The following CEMIP2 variants were observed in gnomAD, a reference collection of about 807,000 sequenced individuals.
CEMIP2 encodes cell migration inducing hyaluronidase 2, also known as cell surface hyaluronidase CEMIP2.
In CEMIP2, 79 loss-of-function variants were observed where a neutral mutation model predicts 146.9. The observed-to-expected ratio is 0.54, with a 90% CI of 0.45 to 0.65. The LOEUF (loss-of-function observed/expected upper bound fraction) is 0.65. CEMIP2 is among the 30% of genes least tolerant of loss of function. The pLI, the probability that CEMIP2 is intolerant of heterozygous loss-of-function variation, is 0.00. For missense variants in CEMIP2, 1,596 were observed against 1,696.2 expected, an observed-to-expected ratio of 0.94 and a Z score of 1.04; for synonymous variants, 601 against 606.3, an observed-to-expected ratio of 0.99 and a Z score of 0.13.
chr9:71,700,088 C>G (rs1822517273), intron 19 of CEMIP2, among the ~76,000 whole-genome samples: 1 of 152,156 alleles, frequency 6.6e-6, no homozygotes, highest in Non-Finnish European at 1.5e-5. Context: ...GAGATGGAGC[C>G]TACCATAGCC....
At chr9:71,731,369 T>C (rs1823611998) in intron 7 of CEMIP2, among the ~76,000 whole-genome samples, 1 of 152,180 alleles carries the variant, frequency 6.6e-6, no homozygotes, top group Non-Finnish European at 1.5e-5. Flanking sequence ...TTGAGCACTC[T>C]CAATATATTT....
Position 71,685,373 on chromosome 9 carries a change from A to C in CEMIP2, c.3976T>G (p.Phe1326Val). 6 of 1,533,804 alleles carry C rather than the reference A, an allele frequency of 3.9e-6. No homozygotes were observed. The highest frequency in any genetic ancestry group is 5.2e-6 in the Non-Finnish European group (6 of 1,148,462). ...YDKGSTIFLG[F>V]SGNFKPSWTK... The stretch of plus-strand genomic sequence containing the variant: ...CATGATGGTTTAAAGTTTCCACTGA[A>C]TCCCAAAAATATGGTACTCCCTAAA... The change falls in exon 24 of 24, where the codon TTC (phenylalanine) becomes GTC (valine). Residue 1326 changes from phenylalanine (F) to valine (V), a missense_variant. Phe to Val is a conservative substitution (Grantham distance 50, BLOSUM62 -1). Transcript: ENST00000377044.
intron 1 of CEMIP2, among the ~76,000 whole-genome samples, chr9:71,754,799 A>G (rs1444554805): frequency 6.6e-6 from 1 of 152,204 alleles, no homozygotes; most frequent in Admixed American, 6.5e-5. Context: ...AAGCAAAGCA[A>G]TTAGAAAATT....
chr9:71,722,522 A>T lies in CEMIP2; in HGVS notation c.2179-7T>A. The T allele has an allele frequency of 6.3e-7, 1 of 1,597,678 alleles. No homozygotes were observed. ...TGTCAATAAATAAGCCAGCCTGAAAAATATAAATAATGGACTGGAATGAAT... is the reference window on the plus strand; with the variant it reads ...TGTCAATAAATAAGCCAGCCTGAAATATATAAATAATGGACTGGAATGAAT... On this transcript the variant is annotated splice_region_variant and splice_polypyrimidine_tract_variant and intron_variant, in intron 11 of 23. Coordinates refer to ENST00000377044, the MANE Select transcript of CEMIP2 (RefSeq NM_013390.3).
In CEMIP2 at chr9:71,712,170, C is replaced by T; in HGVS notation, c.2682G>A (p.Arg894=). The T allele has an allele frequency of 6.2e-7, 1 of 1,614,154 alleles. No individual in the cohort carries two copies. The change falls in exon 16 of 24, where the codon AGG becomes AGA. Residue 894 remains arginine (R), a synonymous_variant. Transcript: ENST00000377044. ...TGAGGAAGCCAATTGCACTGCTGTA[C>T]CTATCTGGAGTTGGCACATATTTTT... The part of the protein sequence containing the change: ...TFKKYVPTPD[R]YSSAIGFLMK...
chr9:71,729,743 C>T (rs62547028), intron 10 of CEMIP2, 102 bp downstream of exon 10: 91,936 of 1,108,024 alleles, frequency 0.083, 4,731 homozygotes, highest in South Asian at 0.19. Context: ...CAATGTCATG[C>T]TTGGGTTACA....
At chr9:71,749,632 G>A (rs1368256671) in intron 2 of CEMIP2, among the ~76,000 whole-genome samples, 1 of 152,040 alleles carries the variant, frequency 6.6e-6, no homozygotes, top group Non-Finnish European at 1.5e-5. Flanking sequence ...TTTGAACCCA[G>A]GGGGCGGAGG....
At chr9:71,765,699 T>A (rs1001867066) in intron 1 of CEMIP2, among the ~76,000 whole-genome samples, 3 of 152,224 alleles carry the variant, frequency 2.0e-5, no homozygotes, top group Admixed American at 6.5e-5. Context: ...CATGCACTTA[T>A]TGGACCTTCT....
intron 15 of CEMIP2, among the ~76,000 whole-genome samples, chr9:71,713,111 G>C (rs1799681572): frequency 6.6e-6 from 1 of 152,152 alleles, no homozygotes; most frequent in African/African-American, 2.4e-5. Context: ...TGTAGAAAAA[G>C]TTGTGATATG....
At chr9:71,720,582 AC>A (rs1419494704) in intron 12 of CEMIP2, among the ~76,000 whole-genome samples, 2 of 152,162 alleles carry the variant, frequency 1.3e-5, no homozygotes, top group African/African-American at 4.8e-5. Flanking sequence ...CTGAGCCATC[AC>A]GCCCGGCCCT....
chr9:71,750,666 C>T (rs558173562), intron 1 of CEMIP2, among the ~76,000 whole-genome samples: 5 of 151,178 alleles, frequency 3.3e-5, no homozygotes, highest in East Asian at 2.0e-4. Flanking sequence ...AGGCTGGTCT[C>T]GAACTCCCAA....
In CEMIP2 at chr9:71,725,671, A is replaced by T. The variant is rs1167491532; in HGVS notation, c.2088T>A (p.Thr696=). 1.9e-6 allele frequency: 3 copies of T among 1,613,904 alleles called. No individual in the cohort carries two copies. The highest frequency in any genetic ancestry group is 2.5e-6 in the Non-Finnish European group (3 of 1,179,970). The change falls in exon 11 of 24, where the codon ACT becomes ACA. Residue 696 remains threonine, a synonymous_variant. Coordinates refer to ENST00000377044, the MANE Select transcript of CEMIP2 (RefSeq NM_013390.3). ...AGAGCTGCAATCCACTGGATTCCCC[A>T]GTTGGTTCCTTGTGGAATAAATACC... ...GIWYLFHKEP[T]GESSGLQLLA...
At chr9:71,733,816 T>C (rs1823687270) in intron 6 of CEMIP2, among the ~76,000 whole-genome samples, 1 of 151,746 alleles carries the variant, frequency 6.6e-6, no homozygotes, top group Non-Finnish European at 1.5e-5. Flanking sequence ...TCTTTCAATA[T>C]GCAACTTACA....
chr9:71,712,175 C>A lies in CEMIP2; in HGVS notation c.2677G>T (p.Asp893Tyr). ...STFKKYVPTP[D>Y]RYSSAIGFLM... ...AAGCCAATTGCACTGCTGTACCTATCTGGAGTTGGCACATATTTTTTGAAA... is the reference window on the plus strand; with the variant it reads ...AAGCCAATTGCACTGCTGTACCTATATGGAGTTGGCACATATTTTTTGAAA... Residue 893 changes from aspartate (D) to tyrosine (Y), a missense_variant, in exon 16 of 24, where the codon GAT becomes TAT. By Grantham distance (160) the Asp-to-Tyr change is radical. Transcript: ENST00000377044. 1 of 1,614,180 alleles carries A rather than the reference C, an allele frequency of 6.2e-7. No individual in the cohort carries two copies. Among genetic ancestry groups the A allele is most frequent in the Non-Finnish European group, 8.5e-7 (1 of 1,180,020 alleles).
rs773716646 is a variant in CEMIP2, at chr9:71,698,028, G to A, written c.3554C>T (p.Pro1185Leu). 4.3e-5 allele frequency: 69 copies of A among 1,614,020 alleles called. 1 individual carries two copies. In the East Asian group the frequency reaches 9.1e-4, roughly 21 times the overall value. The change falls in exon 20 of 24, where the codon CCG becomes CTG. Residue 1185 changes from proline (P) to leucine (L), a missense_variant. By Grantham distance (98) the Pro-to-Leu change is moderately conservative. Transcript: ENST00000377044. ...YRKPSVVKRM[P>L]AMLTGLCQGC... ...TTGACAGAGTCCAGTGAGCATGGCC[G>A]GCATCCGCTTGACCACTGACGGCTT...
intron 13 of CEMIP2, 46 bp downstream of exon 13, chr9:71,717,901 AT>A (rs1302452801): frequency 1.3e-6 from 2 of 1,532,738 alleles, no homozygotes; most frequent in South Asian, 2.6e-5. Flanking sequence ...AATCTGAAAA[AT>A]AATACATCAG....
intron 1 of CEMIP2, among the ~76,000 whole-genome samples, chr9:71,758,095 AT>A (rs1824518591): frequency 6.6e-6 from 1 of 152,196 alleles, no homozygotes; most frequent in Non-Finnish European, 1.5e-5. Flanking sequence ...GATAATATAC[AT>A]TTTTTAAAAA....
chr9:71,740,731 TG>T (rs1290642911), intron 4 of CEMIP2, among the ~76,000 whole-genome samples: 2 of 152,208 alleles, frequency 1.3e-5, no homozygotes, highest in Non-Finnish European at 2.9e-5. Flanking sequence ...GTACAGCATT[TG>T]TAGTTTGCAA....
At chr9:71,730,279 T>A (rs898739578) in intron 8 of CEMIP2, 26 bp from the exon 9 acceptor site, 2 of 1,598,658 alleles carry the variant, frequency 1.3e-6, no homozygotes, top group African/African-American at 2.7e-5. Context: ...TATATTAATG[T>A]CATTGGTAAC....
Sources: allele counts gnomAD v4.1 joint callset (sites outside exome capture counted in the v4.1 genomes callset), GRCh38; gene constraint gnomAD v4.1.1; transcripts MANE v1.5; gene names NCBI Gene and HGNC (gene_info 2026-07-23, HGNC 2026-07-21).